Variants in DNAJC11 observed in about 807,000 individuals in gnomAD.
DNAJC11 encodes the protein DnaJ heat shock protein family (Hsp40) member C11, also known as dnaJ homolog subfamily C member 11.
DNAJC11 carries 15 observed loss-of-function variants against 78.6 expected under a neutral mutation model. The ratio of observed to expected loss-of-function variants is 0.19; its 90% CI spans 0.13 to 0.29. DNAJC11 has a LOEUF of 0.29. Ranked by LOEUF, DNAJC11 falls within the 10% of genes least tolerant of loss-of-function variation. DNAJC11 has a pLI of 1.00. For synonymous variants in DNAJC11, 292 were observed against 272.1 expected, an observed-to-expected ratio of 1.07 and a Z score of -0.72; for missense variants, 547 against 709.6, an observed-to-expected ratio of 0.77 and a Z score of 2.60.
chr1:6,650,788 G>C (rs1308166248), intron 7 of DNAJC11, among the ~76,000 whole-genome samples: 2 of 152,072 alleles, frequency 1.3e-5, no homozygotes, highest in African/African-American at 2.4e-5. Flanking sequence ...CAGGAGAATA[G>C]CTTGAACCCA....
At chr1:6,641,377 CAAAA>C (rs138659014) in intron 10 of DNAJC11, among the ~76,000 whole-genome samples, 105 of 106,636 alleles carry the variant, frequency 9.8e-4, no homozygotes, top group South Asian at 3.2e-3. Flanking sequence ...ACTCCGTCTC[CAAAA>C]AAAAAAAAAA....
intron 15 of DNAJC11, 111 bp downstream of exon 15, chr1:6,636,006 C>G: frequency 7.0e-7 from 1 of 1,435,098 alleles, no homozygotes; most frequent in Non-Finnish European, 9.3e-7. Context: ...GTCTCTGCTC[C>G]CAGGTGGGCA....
chr1:6,669,568 AAGAAAAGAAG>A (rs1351101310), intron 3 of DNAJC11, among the ~76,000 whole-genome samples: 175 of 139,356 alleles, frequency 1.3e-3, no homozygotes, highest in African/African-American at 4.6e-3. Flanking sequence ...AAGAAAAGAA[AAGAAAAGAAG>A]GCATTTCAAT....
rs1039848078 is a variant in DNAJC11 at position 6,639,160 on chromosome 1, G to A, written c.1253+742C>T. Among the ~76,000 whole-genome samples, 34 of 152,026 alleles carry A rather than the reference G, an allele frequency of 2.2e-4. 1 individual carries two copies. The highest frequency in any genetic ancestry group is 1.5e-5 in the Non-Finnish European group (1 of 68,006). On this transcript the variant is annotated intron_variant, in intron 11 of 15. Transcript: ENST00000377577. ...TTTAGGTTTCACGGCATGCCCCAAT[G>A]GATTATCTAAGAAACTGCAAAAACG...
chr1:6,664,982 G>A (rs1442469522), intron 4 of DNAJC11, among the ~76,000 whole-genome samples: 7 of 152,154 alleles, frequency 4.6e-5, no homozygotes, highest in African/African-American at 9.7e-5. Flanking sequence ...GCAATATCAC[G>A]CACGGGATAC....
At chr1:6,665,961 C>A (rs1642287898) in intron 4 of DNAJC11, among the ~76,000 whole-genome samples, 1 of 152,188 alleles carries the variant, frequency 6.6e-6, no homozygotes, top group South Asian at 2.1e-4. Flanking sequence ...CAGCTCAGGG[C>A]ACCTCGGAGA....
At chr1:6,650,420 G>C (rs1642036820) in intron 7 of DNAJC11, among the ~76,000 whole-genome samples, 1 of 152,064 alleles carries the variant, frequency 6.6e-6, no homozygotes, top group Non-Finnish European at 1.5e-5. Flanking sequence ...TAAACAATGA[G>C]CCAGGCATGT....
intron 4 of DNAJC11, among the ~76,000 whole-genome samples, chr1:6,661,449 C>T (rs964477462): frequency 2.6e-5 from 4 of 152,166 alleles, no homozygotes; most frequent in Non-Finnish European, 5.9e-5. Context: ...AGCCCTCCGA[C>T]GGATACTCAT....
chr1:6,649,942 T>C (rs1157186985), intron 7 of DNAJC11, among the ~76,000 whole-genome samples: 7 of 151,950 alleles, frequency 4.6e-5, no homozygotes, highest in Non-Finnish European at 8.8e-5. Context: ...CTGTACATGT[T>C]TGTACATGTT....
rs573944451 is a variant in DNAJC11 at position 6,637,329 on chromosome 1, C to G, written c.1393G>C (p.Val465Leu). 2 of 1,614,182 alleles carry G rather than the reference C, an allele frequency of 1.2e-6. No homozygotes were observed. The highest frequency in any genetic ancestry group is 2.2e-5 in the South Asian group (2 of 91,084). The change falls in exon 14 of 16, where the codon GTC (valine) becomes CTC (leucine). Residue 465 changes from valine to leucine, a missense_variant. Val to Leu is a conservative substitution (Grantham distance 32). Transcript: ENST00000377577. ...ACAAACTTCCCGTACCAGGCATTGA[C>G]GATGATGAGGCCTAAGGACAGACTC... ...AEESRMGLII[V>L]NAWYGKFVND...
At chr1:6,665,184 C>T (rs558343909) in intron 4 of DNAJC11, among the ~76,000 whole-genome samples, 2 of 152,338 alleles carry the variant, frequency 1.3e-5, no homozygotes, top group East Asian at 3.9e-4. Context: ...CCTCCTTCGT[C>T]TGCCTCCCAA....
At position 6,645,915 on chromosome 1, in the gene DNAJC11, A is replaced by G; in HGVS notation, c.768T>C (p.Thr256=). ...TCTTGTCTAGGTTCCGAGCTAGGAC[A>G]GTGGTCAGGCCGGGTCGGATTCCAC... ...SSRGIRPGLT[T]VLARNLDKNT... Residue 256 remains threonine, a synonymous_variant, in exon 8 of 16, where the codon ACT becomes ACC. Coordinates refer to ENST00000377577, the MANE Select transcript of DNAJC11 (RefSeq NM_018198.4). The surrounding 1 kb of genome is among the most constrained non-coding windows in gnomAD (Gnocchi z 4.1). The G allele has an allele frequency of 2.5e-6, 4 of 1,614,194 alleles. No individual in the cohort carries two copies. Among genetic ancestry groups the G allele is most frequent in the Non-Finnish European group, 3.4e-6 (4 of 1,180,036 alleles).
Position 6,653,085 on chromosome 1 carries a change from C to G in DNAJC11, c.508-134G>C, listed in dbSNP as rs1382213336. The G allele has an allele frequency of 9.8e-7, 1 of 1,015,980 alleles. No individual in the cohort carries two copies. The highest frequency in any genetic ancestry group is 1.5e-6 in the Non-Finnish European group (1 of 686,752). 62.9% of individuals were successfully genotyped at this position (1,015,980 alleles called of 1,614,324 possible). On this transcript the variant is annotated intron_variant, in intron 5 of 15. Transcript: ENST00000377577. The surrounding 1 kb of genome is among the most constrained non-coding windows in gnomAD (Gnocchi z 4.5). The stretch of plus-strand genomic sequence containing the variant: ...CTCTGTTCAGAAGCACACATGGATG[C>G]AGAACTGCCGCAACAGCTTCACTTT...
chr1:6,689,098 G>C (rs533329971), intron 1 of DNAJC11, among the ~76,000 whole-genome samples: 9 of 152,156 alleles, frequency 5.9e-5, no homozygotes, highest in Non-Finnish European at 1.2e-4. Flanking sequence ...AGAAATAAGA[G>C]GAAGTCATAC....
In DNAJC11 at chr1:6,672,006, T is replaced by C. The variant is rs1359248918; in HGVS notation, c.277-4196A>G. ...TGTGCCACCATACCCAGCCAGTTTT[T>C]TTATCTTTAGTAGAGATGACATTTC... On this transcript the variant is annotated intron_variant, in intron 3 of 15. Coordinates refer to ENST00000377577, the MANE Select transcript of DNAJC11 (RefSeq NM_018198.4). Among the ~76,000 whole-genome samples the C allele has an allele frequency of 2.0e-5, 3 of 152,070 alleles. No individual in the cohort carries two copies. The East Asian group carries it at 5.8e-4, about 29-fold the overall frequency.
At chr1:6,635,738 G>A (rs915497132) in intron 15 of DNAJC11, 38 bp from the exon 16 acceptor site, 1 of 1,613,736 alleles carries the variant, frequency 6.2e-7, no homozygotes, top group Non-Finnish European at 8.5e-7. Context: ...ATCAGAAGGT[G>A]GCCATTCCCA....
chr1:6,660,537 T>C (rs1570283999), intron 4 of DNAJC11, among the ~76,000 whole-genome samples: 1 of 152,186 alleles, frequency 6.6e-6, no homozygotes, highest in Non-Finnish European at 1.5e-5. Context: ...CAGGATTAGG[T>C]TGTCTGTTTT....
At chr1:6,638,235 T>C in intron 12 of DNAJC11, 60 bp downstream of exon 12, 1 of 1,537,588 alleles carries the variant, frequency 6.5e-7, no homozygotes, top group South Asian at 1.2e-5. Context: ...GAGACCAACA[T>C]GTGGGGTGTG....
Position 6,667,694 on chromosome 1 carries a change from T to G in DNAJC11, c.378+15A>C. Reference sequence around the variant, plus strand: ...TTTCATGAAGTGTCCTCATGAAACGTGGCCCCTGGCTTACCTTGGGATTGG... The same window carrying G: ...TTTCATGAAGTGTCCTCATGAAACGGGGCCCCTGGCTTACCTTGGGATTGG... On this transcript the variant is annotated intron_variant, in intron 4 of 15. Transcript: ENST00000377577. The G allele has an allele frequency of 6.2e-7, 1 of 1,610,678 alleles. No individual in the cohort carries two copies. Among genetic ancestry groups the G allele is most frequent in the Non-Finnish European group, 8.5e-7 (1 of 1,176,898 alleles).
Sources: allele counts gnomAD v4.1 joint callset (sites outside exome capture counted in the v4.1 genomes callset), GRCh38; gene constraint gnomAD v4.1.1; non-coding constraint Gnocchi (gnomAD v3.1); transcripts MANE v1.5; gene names NCBI Gene and HGNC (gene_info 2026-07-23, HGNC 2026-07-21).